Variants in AHDC1 observed in about 807,000 individuals in gnomAD.
The protein encoded by AHDC1 is AT-hook DNA binding motif containing 1.
Under a neutral mutation model 87.9 loss-of-function variants are expected in AHDC1, and 7 were observed. The observed-to-expected ratio is 0.08, with a 90% CI of 0.05 to 0.15. The LOEUF is 0.15. AHDC1 is among the 10% of genes least tolerant of loss of function. The pLI, the probability that AHDC1 is intolerant of heterozygous loss-of-function variation, is 1.00. For synonymous variants in AHDC1, 1,051 were observed against 1,006.8 expected (o/e 1.04, Z -0.83); for missense variants, 1,841 against 2,253.2 (o/e 0.82, Z 3.70).
chr1:27,598,769 A>G lies in AHDC1; in HGVS notation c.-629+4628T>C, dbSNP rs905187397. Among the ~76,000 whole-genome samples the G allele has an allele frequency of 1.3e-5, 2 of 152,112 alleles. No individual in the cohort carries two copies. The highest frequency in any genetic ancestry group is 2.9e-5 in the Non-Finnish European group (2 of 67,992). ...GGCCATCCTGAATCTAGCACCTCAC[A>G]CACAAATATATACAGTGCATCCCAG... On this transcript the variant is annotated intron_variant, in intron 3 of 8. Coordinates refer to ENST00000673934, the MANE Select transcript of AHDC1 (RefSeq NM_001371928.1). The surrounding 1 kb of genome is among the most constrained non-coding windows in gnomAD (Gnocchi z 4.2).
Position 27,548,583 on chromosome 1 carries a change from C to T in AHDC1, c.3533G>A (p.Gly1178Asp). The T allele has an allele frequency of 2.5e-6, 4 of 1,613,586 alleles. No homozygotes were observed. The highest frequency in any genetic ancestry group is 3.4e-6 in the Non-Finnish European group (4 of 1,180,010). ...SDSTQFNQPV[G>D]GGGFRRANSE... ...GTTGGCACGCCGAAACCCCCCGCCA[C>T]CAACCGGCTGATTGAACTGGGTGCT... Residue 1178 changes from glycine to aspartate, a missense_variant, in exon 8 of 9, where the codon GGT (glycine) becomes GAT (aspartate). By Grantham distance (94) the Gly-to-Asp change is moderately conservative. Transcript: ENST00000673934.
Position 27,548,841 on chromosome 1 carries a change from A to G in AHDC1, c.3275T>C (p.Phe1092Ser). 1 of 1,611,746 alleles carries G rather than the reference A, an allele frequency of 6.2e-7. No individual in the cohort carries two copies. The highest frequency in any genetic ancestry group is 2.2e-5 in the East Asian group (1 of 44,854). Reference sequence around the variant, plus strand: ...CCGACAGTTCTCGGGCGAGGGCTGGAAGGAGGAGGAGGAGGAGGAGGCGGC... The same window carrying G: ...CCGACAGTTCTCGGGCGAGGGCTGGGAGGAGGAGGAGGAGGAGGAGGCGGC... ...ASAASSSSSS[F>S]QPSPENCRQF... is the part of the protein sequence containing the mutation. Residue 1092 changes from phenylalanine (F) to serine (S), a missense_variant, in exon 8 of 9, where the codon TTC becomes TCC. Physicochemically the swap from Phe to Ser is radical, Grantham distance 155. This residue lies in a region of AHDC1 where 378 missense variants were observed against 399.0 expected (regional missense o/e 0.95). Transcript: ENST00000673934.
At chr1:27,601,870 G>T (rs999599589) in intron 3 of AHDC1, among the ~76,000 whole-genome samples, 1 of 152,012 alleles carries the variant, frequency 6.6e-6, no homozygotes, top group Non-Finnish European at 1.5e-5. Context: ...AGCCGGCGGC[G>T]ACAGCAGCAG....
chr1:27,599,481 G>C (rs1307585825), intron 3 of AHDC1, among the ~76,000 whole-genome samples: 1 of 152,126 alleles, frequency 6.6e-6, no homozygotes, highest in East Asian at 1.9e-4. Flanking sequence ...CTCCCAGGAG[G>C]CCCCCTGCAG....
intron 3 of AHDC1, among the ~76,000 whole-genome samples, chr1:27,587,675 A>C (rs925845992): frequency 2.6e-5 from 4 of 152,176 alleles, no homozygotes; most frequent in Non-Finnish European, 5.9e-5. Context: ...CAGCTGGCAC[A>C]GTACCCAGCC....
rs1446992812 is a variant in AHDC1, at chr1:27,561,632, G to C, written c.-628-2749C>G. Among the ~76,000 whole-genome samples the C allele has an allele frequency of 6.7e-6, 1 of 150,146 alleles. No individual in the cohort carries two copies. The highest frequency in any genetic ancestry group is 1.5e-5 in the Non-Finnish European group (1 of 68,008). ...CCTCCTTGTTCAGGGGGTGTTGGCT[G>C]GGGGAGATTTGTTCTGGTTGCAGAC... is the stretch of plus-strand genomic sequence containing the variant. On this transcript the variant is annotated intron_variant, in intron 3 of 8. Coordinates refer to ENST00000673934, the MANE Select transcript of AHDC1 (RefSeq NM_001371928.1). The surrounding 1 kb of genome is among the most constrained non-coding windows in gnomAD (Gnocchi z 4.2).
intron 3 of AHDC1, among the ~76,000 whole-genome samples, chr1:27,596,581 T>A (rs1276844124): frequency 6.6e-6 from 1 of 152,028 alleles, no homozygotes; most frequent in African/African-American, 2.4e-5. Context: ...ACTGCTCCAA[T>A]CCAGGCAACA....
chr1:27,583,210 C>G (rs2088957025), intron 3 of AHDC1, among the ~76,000 whole-genome samples: 1 of 152,156 alleles, frequency 6.6e-6, no homozygotes, highest in Non-Finnish European at 1.5e-5. Flanking sequence ...TCGAATCTGT[C>G]ACCCTCCCTA....
chr1:27,571,628 C>T (rs1350948297), intron 3 of AHDC1, among the ~76,000 whole-genome samples: 1 of 152,020 alleles, frequency 6.6e-6, no homozygotes, highest in Non-Finnish European at 1.5e-5. Flanking sequence ...GTGGCTGCTT[C>T]GGCCTCAGTC....
At chr1:27,575,728 G>C (rs1005077205) in intron 3 of AHDC1, among the ~76,000 whole-genome samples, 3 of 151,842 alleles carry the variant, frequency 2.0e-5, no homozygotes, top group African/African-American at 7.2e-5. Context: ...GGCCGGGCGG[G>C]GGCCAAGCCG....
At chr1:27,570,056 C>T (rs1203116008) in intron 3 of AHDC1, among the ~76,000 whole-genome samples, 1 of 152,034 alleles carries the variant, frequency 6.6e-6, no homozygotes, top group African/African-American at 2.4e-5. Context: ...CCTGTTAACC[C>T]TCTGCATTCC....
In AHDC1 at chr1:27,563,020, C is replaced by A. The variant is rs909374535; in HGVS notation, c.-628-4137G>T. 1.3e-5 allele frequency among the ~76,000 whole-genome samples: 2 copies of A among 152,028 alleles called. No homozygotes were observed. The highest frequency in any genetic ancestry group is 4.8e-5 in the African/African-American group (2 of 41,392). Reference sequence around the variant, plus strand: ...CACACCCTCGACAGCATGGGGCAGGCGTCTGTTACCCCTCACAGTGGCATA... The same window carrying A: ...CACACCCTCGACAGCATGGGGCAGGAGTCTGTTACCCCTCACAGTGGCATA... On this transcript the variant is annotated intron_variant, in intron 3 of 8. Transcript: ENST00000673934. The surrounding 1 kb of genome is among the most constrained non-coding windows in gnomAD (Gnocchi z 6.1).
At chr1:27,583,468 T>G (rs1250791623) in intron 3 of AHDC1, among the ~76,000 whole-genome samples, 1 of 152,204 alleles carries the variant, frequency 6.6e-6, no homozygotes, top group Non-Finnish European at 1.5e-5. Context: ...TGTTGTTTAT[T>G]GCTGAGAAAA....
intron 3 of AHDC1, among the ~76,000 whole-genome samples, chr1:27,594,966 G>A: frequency 6.6e-6 from 1 of 152,016 alleles, no homozygotes; most frequent in East Asian, 1.9e-4. Context: ...AGGTGGCTGA[G>A]GAAAAGTACC....
chr1:27,551,899 G>A lies in AHDC1; in HGVS notation c.217C>T (p.Arg73Cys), dbSNP rs1385638576. 6.9e-6 allele frequency: 11 copies of A among 1,596,826 alleles called. No homozygotes were observed. Among genetic ancestry groups the A allele is most frequent in the South Asian group, 1.1e-5 (1 of 89,726 alleles). Residue 73 changes from arginine (R) to cysteine (C), a missense_variant, in exon 8 of 9, where the codon CGC becomes TGC. This residue lies in a region of AHDC1 where 142 missense variants were observed against 165.6 expected (regional missense o/e 0.86). Transcript: ENST00000673934. ...PPPRRDPSTR[R>C]PPVLAKGDDP... ...TCCCCCTTGGCAAGGACTGGTGGGC[G>A]CCGGGTGCTGGGGTCCCGGCGTGGG...
At position 27,561,611 on chromosome 1, in the gene AHDC1, C is replaced by T. The variant is rs1402671898; in HGVS notation, c.-628-2728G>A. Among the ~76,000 whole-genome samples the T allele has an allele frequency of 1.3e-5, 2 of 151,994 alleles. No individual in the cohort carries two copies. Among genetic ancestry groups the T allele is most frequent in the Admixed American group, 1.3e-4 (2 of 15,272 alleles). On this transcript the variant is annotated intron_variant, in intron 3 of 8. Coordinates refer to ENST00000673934, the MANE Select transcript of AHDC1 (RefSeq NM_001371928.1). This position sits in a 1 kb window ranked among gnomAD's most constrained non-coding sequence, Gnocchi z 4.2. ...GTTTCCCATTAGCTGCTCTGGCCTC[C>T]TTGTTCAGGGGGTGTTGGCTGGGGG...
At position 27,595,899 on chromosome 1, in the gene AHDC1, T is replaced by A. The variant is rs1012261461; in HGVS notation, c.-629+7498A>T. On this transcript the variant is annotated intron_variant, in intron 3 of 8. Coordinates refer to ENST00000673934, the MANE Select transcript of AHDC1 (RefSeq NM_001371928.1). This position sits in a 1 kb window ranked among gnomAD's most constrained non-coding sequence, Gnocchi z 4.0. ...TGTCGGGGGGTATCTGTATGTAGAG[T>A]GTGTGTGTGGAAGTGTGTGGGCTGG... Among the ~76,000 whole-genome samples the A allele has an allele frequency of 6.6e-6, 1 of 150,716 alleles. No homozygotes were observed. The highest frequency in any genetic ancestry group is 1.5e-5 in the Non-Finnish European group (1 of 67,612).
rs2019936554 is a variant in AHDC1 at position 27,558,759 on chromosome 1, A to G, written c.-504T>C. On this transcript the variant is annotated 5_prime_UTR_variant, in exon 4 of 9. Transcript: ENST00000673934. The surrounding 1 kb of genome is among the most constrained non-coding windows in gnomAD (Gnocchi z 5.6). ...TCAGCAGGAAAGGCCTGTCTTCATC[A>G]GCATCTCCAGGGTGGTCTCTGCAAC... 2.5e-6 allele frequency: 1 copy of G among 398,628 alleles called. No homozygotes were observed. Among genetic ancestry groups the G allele is most frequent in the East Asian group, 3.6e-5 (1 of 28,082 alleles). 24.7% of individuals were successfully genotyped at this position (398,628 alleles called of 1,614,324 possible).
chr1:27,588,236 T>C (rs1365951458), intron 3 of AHDC1, among the ~76,000 whole-genome samples: 1 of 152,204 alleles, frequency 6.6e-6, no homozygotes. Context: ...CTTCCTCTTA[T>C]GAATTCCTAC....
Sources: gnomAD v4.1 joint callset for allele counts (sites outside exome capture counted in the v4.1 genomes callset) on GRCh38, gnomAD v4.1.1 for gene constraint, gnomAD v4.1.1 regional missense constraint, Gnocchi (gnomAD v3.1) non-coding constraint, MANE v1.5 for transcripts, NCBI Gene and HGNC (gene_info 2026-07-23, HGNC 2026-07-21) for gene names.